Variants in SLC24A2 observed in about 807,000 individuals in gnomAD.
The protein encoded by SLC24A2 is solute carrier family 24 member 2, also known as sodium/potassium/calcium exchanger 2.
A neutral mutation model predicts 62.0 loss-of-function variants in SLC24A2; 36 were observed. The observed-to-expected ratio is 0.58, with a 90% confidence interval of 0.44 to 0.77. The LOEUF (loss-of-function observed/expected upper bound fraction) is 0.77. Ranked by LOEUF, SLC24A2 falls within the 30% of genes least tolerant of loss-of-function variation. The probability of loss-of-function intolerance (pLI) is 0.00; values close to 1 mark genes in which losing one functional copy is unlikely to be tolerated. For synonymous variants in SLC24A2, 358 were observed against 294.0 expected, an observed-to-expected ratio of 1.22 and a Z score of -2.23; for missense variants, 846 against 817.9, an observed-to-expected ratio of 1.03 and a Z score of -0.42.
chr9:19,955,259 G>C, the SLC24A2 span, among the ~76,000 whole-genome samples: 2 of 152,028 alleles, frequency 1.3e-5, no homozygotes, highest in Middle Eastern at 6.8e-3. Context: ...TATTCCATAA[G>C]AGAAAGGTGA....
the SLC24A2 span, among the ~76,000 whole-genome samples, chr9:20,287,055 C>T: frequency 6.6e-6 from 1 of 152,214 alleles, no homozygotes; most frequent in Non-Finnish European, 1.5e-5. Flanking sequence ...GCCCGGAGGT[C>T]TGCTTCCTAA....
intron 5 of SLC24A2, among the ~76,000 whole-genome samples, chr9:19,582,116 G>C (rs1258827533): frequency 6.6e-6 from 1 of 152,118 alleles, no homozygotes; most frequent in Non-Finnish European, 1.5e-5. Flanking sequence ...TATGTTGAGG[G>C]GGTGGTAGGG....
the SLC24A2 span, among the ~76,000 whole-genome samples, chr9:20,227,261 C>T: frequency 6.6e-6 from 1 of 151,952 alleles, no homozygotes; most frequent in African/African-American, 2.4e-5. Flanking sequence ...CTATGGTTTG[C>T]CAATGAAAAT....
chr9:19,761,848 A>C (rs919337354), intron 2 of SLC24A2, among the ~76,000 whole-genome samples: 1 of 152,170 alleles, frequency 6.6e-6, no homozygotes, highest in Non-Finnish European at 1.5e-5. Flanking sequence ...TCCGTGGTGT[A>C]TATGTGCCAC....
At chr9:19,715,033 C>T (rs908106957) in intron 2 of SLC24A2, among the ~76,000 whole-genome samples, 4 of 151,878 alleles carry the variant, frequency 2.6e-5, no homozygotes, top group Non-Finnish European at 5.9e-5. Flanking sequence ...TCAACCTTTC[C>T]CCCTAACTCC....
the SLC24A2 span, among the ~76,000 whole-genome samples, chr9:19,830,139 C>G: frequency 1.3e-5 from 2 of 152,230 alleles, no homozygotes; most frequent in African/African-American, 4.8e-5. Context: ...TCCAGGGCTG[C>G]CATGCAGGCC....
the SLC24A2 span, among the ~76,000 whole-genome samples, chr9:20,084,180 G>A: frequency 6.6e-6 from 1 of 152,144 alleles, no homozygotes; most frequent in African/African-American, 2.4e-5. Flanking sequence ...AAGTTAAACT[G>A]GTGAGCTTCT....
chr9:20,301,312 G>T, the SLC24A2 span, among the ~76,000 whole-genome samples: 2 of 152,102 alleles, frequency 1.3e-5, no homozygotes, highest in Admixed American at 6.6e-5. Flanking sequence ...GTTGTCTGGG[G>T]AGTACATTTT....
At chr9:19,696,763 T>G (rs12001364) in intron 2 of SLC24A2, among the ~76,000 whole-genome samples, 15,591 of 152,194 alleles carry the variant, frequency 0.1, 1,084 homozygotes, top group African/African-American at 0.19. Context: ...AAATCTAATG[T>G]GTAGTAAAGC....
the SLC24A2 span, among the ~76,000 whole-genome samples, chr9:20,286,854 G>A: frequency 6.6e-6 from 1 of 152,144 alleles, no homozygotes; most frequent in African/African-American, 2.4e-5. Context: ...CTTGTCCAAG[G>A]ACACATTGAG....
At chr9:19,810,157 G>T in the SLC24A2 span, among the ~76,000 whole-genome samples, 1 of 152,114 alleles carries the variant, frequency 6.6e-6, no homozygotes, top group Non-Finnish European at 1.5e-5. Context: ...GTGGGGAGAG[G>T]TGGTTCCAGG....
chr9:19,580,912 AG>A (rs1211577188), intron 5 of SLC24A2, among the ~76,000 whole-genome samples: 1 of 152,166 alleles, frequency 6.6e-6, no homozygotes, highest in Non-Finnish European at 1.5e-5. Context: ...CTTGGGGAAG[AG>A]GGGCTCATTT....
chr9:19,801,046 G>T, the SLC24A2 span, among the ~76,000 whole-genome samples: 1 of 152,196 alleles, frequency 6.6e-6, no homozygotes. Context: ...TTGTTACCAG[G>T]GGGTCCTTGC....
the SLC24A2 span, among the ~76,000 whole-genome samples, chr9:19,820,352 G>A: frequency 6.7e-6 from 1 of 150,112 alleles, no homozygotes; most frequent in East Asian, 2.0e-4. Flanking sequence ...CTCAGGTGAT[G>A]GGTGCACTAA....
At chr9:19,843,870 G>A in the SLC24A2 span, among the ~76,000 whole-genome samples, 3,174 of 152,244 alleles carry the variant, frequency 0.021, 118 homozygotes, top group African/African-American at 0.073. Context: ...CTATTTTATG[G>A]CTGCGAAGAA....
intron 2 of SLC24A2, among the ~76,000 whole-genome samples, chr9:19,737,188 T>G (rs181848190): frequency 6.6e-6 from 1 of 152,120 alleles, no homozygotes; most frequent in African/African-American, 2.4e-5. Flanking sequence ...TGAAGACAGA[T>G]AGAGGTCCAC....
the SLC24A2 span, among the ~76,000 whole-genome samples, chr9:19,968,197 G>T: frequency 6.6e-6 from 1 of 152,130 alleles, no homozygotes; most frequent in Non-Finnish European, 1.5e-5. Context: ...CATCATCTTT[G>T]TTATGCTAAC....
At chr9:20,163,247 A>G in the SLC24A2 span, among the ~76,000 whole-genome samples, 2 of 152,198 alleles carry the variant, frequency 1.3e-5, no homozygotes, top group East Asian at 3.8e-4. Context: ...GTCTCAGTCC[A>G]AAATCTCCTT....
chr9:19,710,112 A>G (rs115635606), intron 2 of SLC24A2, among the ~76,000 whole-genome samples: 1,634 of 152,174 alleles, frequency 0.011, 32 homozygotes, highest in African/African-American at 0.038. Context: ...GTACAGAAGA[A>G]AGATTGGAGA....
Sources: gnomAD v4.1 joint callset for allele counts (sites outside exome capture counted in the v4.1 genomes callset) on GRCh38, gnomAD v4.1.1 for gene constraint, MANE v1.5 for transcripts, NCBI Gene and HGNC (gene_info 2026-07-23, HGNC 2026-07-21) for gene names.